PROM1: variants seen among roughly 807,000 people sequenced by gnomAD.
PROM1 encodes the protein prominin-1.
In PROM1, 105 loss-of-function variants were observed where a neutral mutation model predicts 116.9. The ratio of observed to expected loss-of-function variants is 0.90; its 90% CI spans 0.77 to 1.06. The LOEUF (loss-of-function observed/expected upper bound fraction) is 1.06. PROM1 is among the 50% of genes least tolerant of loss of function. The pLI is 0.00. For synonymous variants in PROM1, 393 were observed against 387.0 expected (o/e 1.02, Z -0.18); for missense variants, 1,122 against 1,045.2 (o/e 1.07, Z -1.01).
intron 2 of PROM1, among the ~76,000 whole-genome samples, chr4:16,073,414 C>A (rs1163040786): frequency 6.6e-6 from 1 of 152,080 alleles, no homozygotes; most frequent in Admixed American, 6.5e-5. Flanking sequence ...AATGCATTGG[C>A]CCCAAATGGA....
At chr4:16,069,370 T>C (rs1250132561) in intron 2 of PROM1, among the ~76,000 whole-genome samples, 1 of 152,266 alleles carries the variant, frequency 6.6e-6, no homozygotes, top group African/African-American at 2.4e-5. Flanking sequence ...TCAGAACTTA[T>C]GCCAAGTTCA....
rs1396838711 is a variant in PROM1, at chr4:16,004,895, C to T, written c.1454+1643G>A. On this transcript the variant is annotated intron_variant, in intron 13 of 27. Transcript: ENST00000447510. Reference sequence around the variant, plus strand: ...TCCCTCTCTCTCTCTCTCCCTCCCCCTCTCTCTCTCCCTTCCTTCCTTCCT... The same window carrying T: ...TCCCTCTCTCTCTCTCTCCCTCCCCTTCTCTCTCTCCCTTCCTTCCTTCCT... Among the ~76,000 whole-genome samples, 2 of 94,576 alleles carry T rather than the reference C, an allele frequency of 2.1e-5. 1 individual carries two copies. Among genetic ancestry groups the T allele is most frequent in the Non-Finnish European group, 4.7e-5 (2 of 42,886 alleles). 62.0% of individuals were successfully genotyped at this position (94,576 alleles called of 152,430 possible).
chr4:16,021,694 G>A (rs1253367108), intron 8 of PROM1, among the ~76,000 whole-genome samples: 1 of 152,160 alleles, frequency 6.6e-6, no homozygotes, highest in Non-Finnish European at 1.5e-5. Context: ...CTCCAGAGGT[G>A]CATGTGTTGC....
intron 11 of PROM1, among the ~76,000 whole-genome samples, chr4:16,010,475 A>C (rs1726637791): frequency 6.6e-6 from 1 of 152,204 alleles, no homozygotes; most frequent in Admixed American, 6.5e-5. Flanking sequence ...AGCTTGGTCC[A>C]AAACGTAATC....
chr4:16,057,258 T>A lies in PROM1; in HGVS notation c.221-18257A>T, dbSNP rs375101897. Among the ~76,000 whole-genome samples the A allele has an allele frequency of 1.4e-4, 22 of 152,350 alleles. 1 individual carries two copies. The South Asian group carries it at 4.4e-3, about 30-fold the overall frequency. On this transcript the variant is annotated intron_variant, in intron 2 of 27. Transcript: ENST00000447510. ...TGGAAGCCTGCTGTCCAAATCTCAT[T>A]AGGCTGAGCTTCTGGGTCAGCCAGT... is the stretch of plus-strand genomic sequence containing the variant.
intron 26 of PROM1, among the ~76,000 whole-genome samples, chr4:15,979,163 G>A (rs1717058841): frequency 6.6e-6 from 1 of 152,200 alleles, no homozygotes; most frequent in Admixed American, 6.5e-5. Flanking sequence ...AGCATTTTAA[G>A]ATGACACCAA....
Position 16,013,301 on chromosome 4 carries a change from T to C in PROM1, c.1115A>G (p.Gln372Arg). ...QSLNDIPDRV[Q>R]RQTTTVVAGI... Reference sequence around the variant, plus strand: ...TGCTACGACAGTCGTGGTTTGGCGTTGTACTCTGTCAGGTATATCATTAAG... The same window carrying C: ...TGCTACGACAGTCGTGGTTTGGCGTCGTACTCTGTCAGGTATATCATTAAG... Residue 372 changes from glutamine to arginine, a missense_variant, in exon 11 of 28, where the codon CAA (glutamine) becomes CGA (arginine). Coordinates refer to ENST00000447510, the MANE Select transcript of PROM1 (RefSeq NM_006017.3). 6.2e-7 allele frequency: 1 copy of C among 1,609,626 alleles called. No individual in the cohort carries two copies.
intron 3 of PROM1, among the ~76,000 whole-genome samples, chr4:16,037,293 T>C (rs954203970): frequency 1.3e-5 from 2 of 152,154 alleles, no homozygotes; most frequent in African/African-American, 2.4e-5. Context: ...GACAATCACA[T>C]TGGGAGATAT....
chr4:16,072,671 A>C lies in PROM1; in HGVS notation c.220+3016T>G, dbSNP rs1168299536. Among the ~76,000 whole-genome samples the C allele has an allele frequency of 2.0e-5, 3 of 152,236 alleles. No homozygotes were observed. In the East Asian group the frequency reaches 5.8e-4, roughly 29 times the overall value. ...GTGACTACCCTGCTCTTGCAGGACTAAAAAATTAGCCACAAGATTAGAAAT... is the reference window on the plus strand; with the variant it reads ...GTGACTACCCTGCTCTTGCAGGACTCAAAAATTAGCCACAAGATTAGAAAT... On this transcript the variant is annotated intron_variant, in intron 2 of 27. Coordinates refer to ENST00000447510, the MANE Select transcript of PROM1 (RefSeq NM_006017.3).
chr4:16,018,269 C>T lies in PROM1; in HGVS notation c.1002+54G>A, dbSNP rs1053616219. ...GATAGGTCACCCACGCTTAGCCCTG[C>T]CCGGCAATCCCCAGCATGCAGCCCT... On this transcript the variant is annotated intron_variant, in intron 9 of 27. Transcript: ENST00000447510. The T allele has an allele frequency of 2.5e-6, 4 of 1,569,234 alleles. No individual in the cohort carries two copies. In the African/African-American group the frequency reaches 4.1e-5, roughly 16 times the overall value.
At chr4:16,005,553 T>A (rs1725256052) in intron 13 of PROM1, among the ~76,000 whole-genome samples, 1 of 148,934 alleles carries the variant, frequency 6.7e-6, no homozygotes, top group Non-Finnish European at 1.5e-5. Context: ...AAAATTTGGT[T>A]TGAAGACCCA....
intron 1 of PROM1, chr4:16,082,171 A>T (rs941708411): frequency 2.0e-5 from 3 of 152,090 alleles, no homozygotes; most frequent in South Asian, 4.1e-4. Context: ...TCTGAGCTCA[A>T]CTCCACCGGG....
intron 2 of PROM1, among the ~76,000 whole-genome samples, chr4:16,072,839 T>C (rs967610830): frequency 3.3e-5 from 5 of 152,182 alleles, no homozygotes; most frequent in Admixed American, 6.5e-5. Flanking sequence ...GCAGACCCTG[T>C]GTTTTGAGGC....
intron 26 of PROM1, among the ~76,000 whole-genome samples, chr4:15,978,652 G>A (rs1272236723): frequency 6.6e-6 from 1 of 152,228 alleles, no homozygotes; most frequent in Admixed American, 6.5e-5. Context: ...ACTGTGGGGA[G>A]CGGGCTCGGG....
Position 16,000,596 on chromosome 4 carries a change from A to G in PROM1, c.1478T>C (p.Phe493Ser). 6.3e-7 allele frequency: 1 copy of G among 1,575,422 alleles called. No individual in the cohort carries two copies. Among genetic ancestry groups the G allele is most frequent in the Non-Finnish European group, 8.7e-7 (1 of 1,153,860 alleles). The change falls in exon 14 of 28, where the codon TTT becomes TCT. Residue 493 changes from phenylalanine (F) to serine (S), a missense_variant. By Grantham distance (155) the Phe-to-Ser change is radical. Coordinates refer to ENST00000447510, the MANE Select transcript of PROM1 (RefSeq NM_006017.3). ...LMVGVGLSFL[F>S]CWILMIIVVL... ...CACAATGATCATCAATATCCAGCAA[A>G]AGAGGAAACTTAATCCAACTCCACT... is the stretch of plus-strand genomic sequence containing the variant.
intron 12 of PROM1, among the ~76,000 whole-genome samples, chr4:16,008,447 T>G (rs1726067670): frequency 6.6e-6 from 1 of 152,228 alleles, no homozygotes; most frequent in Admixed American, 6.5e-5. Flanking sequence ...GAATGCTCTT[T>G]CAGTAAGAAC....
At chr4:15,979,702 G>A (rs930319555) in intron 25 of PROM1, among the ~76,000 whole-genome samples, 179 bp downstream of exon 25, 1 of 152,046 alleles carries the variant, frequency 6.6e-6, no homozygotes, top group Non-Finnish European at 1.5e-5. Context: ...AGTATTTCTT[G>A]AGCACCCTCT....
At chr4:16,066,329 A>G in intron 2 of PROM1, among the ~76,000 whole-genome samples, 1 of 152,336 alleles carries the variant, frequency 6.6e-6, no homozygotes, top group East Asian at 1.9e-4. Context: ...ACAAACACTT[A>G]GTATCTACCA....
chr4:16,005,515 T>C (rs1398709746), intron 13 of PROM1, among the ~76,000 whole-genome samples: 2 of 151,050 alleles, frequency 1.3e-5, no homozygotes, highest in African/African-American at 4.9e-5. Flanking sequence ...TGTGTGTGTG[T>C]GTGTGTGTGT....
Sources: allele counts gnomAD v4.1 joint callset (sites outside exome capture counted in the v4.1 genomes callset), GRCh38; gene constraint gnomAD v4.1.1; transcripts MANE v1.5; gene names NCBI Gene and HGNC (gene_info 2026-07-23, HGNC 2026-07-21).